RFC5: variants seen among roughly 807,000 people sequenced by gnomAD.
RFC5 encodes replication factor C subunit 5.
A neutral mutation model predicts 44.3 loss-of-function variants in RFC5; 26 were observed. The ratio of observed to expected loss-of-function variants is 0.59; its 90% confidence interval spans 0.43 to 0.81. The LOEUF (loss-of-function observed/expected upper bound fraction) is 0.81. Among genes scored for constraint, RFC5 ranks in the 40% least tolerant of loss-of-function variants. The pLI is 0.00. For synonymous variants in RFC5, 155 were observed against 155.2 expected, an observed-to-expected ratio of 1.00 and a Z score of 0.01; for missense variants, 328 against 418.6, an observed-to-expected ratio of 0.78 and a Z score of 1.89.
In RFC5 at chr12:118,016,735, C is replaced by G; in HGVS notation, c.-93C>G. The G allele has an allele frequency of 9.7e-7, 1 of 1,031,036 alleles. No homozygotes were observed. The highest frequency in any genetic ancestry group is 2.6e-5 in the East Asian group (1 of 37,880). 63.9% of individuals were successfully genotyped at this position (1,031,036 alleles called of 1,614,324 possible). ...GCTTTTGCGCGCGAACTGTAAGTGC[C>G]AGGGTCTCAGGGTCAGGTCGCGGCT... On this transcript the variant is annotated 5_prime_UTR_variant, in exon 1 of 11. Coordinates refer to ENST00000454402, the MANE Select transcript of RFC5 (RefSeq NM_007370.7).
At chr12:118,023,408 A>G in intron 5 of RFC5, among the ~76,000 whole-genome samples, 1 of 24,090 alleles carries the variant, frequency 4.2e-5, no homozygotes, top group African/African-American at 3.0e-4. Context: ...GGGGAGGAGG[A>G]GGAGGGGGGA....
At position 118,016,837 on chromosome 12, in the gene RFC5, T is replaced by G. The variant is rs772023840; in HGVS notation, c.10T>G (p.Ser4Ala). The change falls in exon 1 of 11, where the codon TCA (serine) becomes GCA (alanine). Residue 4 changes from serine (S) to alanine (A), a missense_variant. By Grantham distance (99) the Ser-to-Ala change is moderately conservative. Transcript: ENST00000454402. MET[S>A]ALKQQEQPAA... is the part of the protein sequence containing the mutation. ...CCTTCGTCTCCCCGCCATGGAGACCTCAGCACTCAAGCAGCAGGAGCAGCC... is the reference window on the plus strand; with the variant it reads ...CCTTCGTCTCCCCGCCATGGAGACCGCAGCACTCAAGCAGCAGGAGCAGCC... 9 of 1,613,248 alleles carry G rather than the reference T, an allele frequency of 5.6e-6. No individual in the cohort carries two copies. The highest frequency in any genetic ancestry group is 7.6e-6 in the Non-Finnish European group (9 of 1,179,706).
chr12:118,034,807 T>G (rs1385506239), downstream of RFC5: 2 of 616,304 alleles, frequency 3.2e-6, no homozygotes, highest in Non-Finnish European at 5.5e-6. Context: ...AGGTTAAATA[T>G]TCAGAGAAAA....
At chr12:118,035,133 AG>A, downstream of RFC5, 1 of 1,613,086 alleles carries the variant, frequency 6.2e-7, no homozygotes, top group African/African-American at 1.3e-5. Context: ...TAGCTGACCC[AG>A]GGCCAGACCA....
At chr12:118,032,889 T>G (rs2031396564), downstream of RFC5, 2 of 151,818 alleles carry the variant, frequency 1.3e-5, no homozygotes, top group South Asian at 2.1e-4. Flanking sequence ...TGGAAAAAAA[T>G]GAAACAGAGA....
rs2030331947 is a variant in RFC5 at position 118,019,430 on chromosome 12, A to G, written c.131-202A>G. 6.6e-6 allele frequency among the ~76,000 whole-genome samples: 1 copy of G among 152,160 alleles called. No individual in the cohort carries two copies. The highest frequency in any genetic ancestry group is 2.4e-5 in the African/African-American group (1 of 41,442). ...GCCTGTAACACAGTAGGCACTCAAT[A>G]AATACTTGTTGACTGGCTGCGCTAT... On this transcript the variant is annotated intron_variant, in intron 2 of 10. Transcript: ENST00000454402. This position sits in a 1 kb window ranked among gnomAD's most constrained non-coding sequence, Gnocchi z 4.2.
chr12:118,038,926 A>G, the RFC5 span, among the ~76,000 whole-genome samples: 1 of 152,066 alleles, frequency 6.6e-6, no homozygotes, highest in Non-Finnish European at 1.5e-5. Flanking sequence ...GGTGCTGATC[A>G]CTTTTTTTAT....
chr12:118,025,811 G>A lies in RFC5; in HGVS notation c.646G>A (p.Ala216Thr). 6.3e-7 allele frequency: 1 copy of A among 1,599,940 alleles called. No individual in the cohort carries two copies. Among genetic ancestry groups the A allele is most frequent in the Non-Finnish European group, 8.6e-7 (1 of 1,169,140 alleles). ...TCTTTCCAGTGGAGACATGCGTAGG[G>A]CTCTGAACATTTTGCAGGTATGGTC... Reference protein sequence around the residue: ...VTLSSGDMRRALNILQSTNMA... With the variant: ...VTLSSGDMRRTLNILQSTNMA... Residue 216 changes from alanine (A) to threonine (T), a missense_variant, in exon 7 of 11, where the codon GCT becomes ACT. Coordinates refer to ENST00000454402, the MANE Select transcript of RFC5 (RefSeq NM_007370.7).
At chr12:118,022,129 T>C (rs1473751152) in intron 4 of RFC5, among the ~76,000 whole-genome samples, 157 bp from the exon 5 acceptor site, 1 of 152,160 alleles carries the variant, frequency 6.6e-6, no homozygotes, top group Non-Finnish European at 1.5e-5. Context: ...CGGCATTTCC[T>C]CTCTGAGTGA....
At chr12:118,025,501 T>A in intron 6 of RFC5, 1 of 456,192 alleles carries the variant, frequency 2.2e-6, no homozygotes. Flanking sequence ...ACTGGCTCCA[T>A]GGGAGAATGC....
rs1050061835 is a variant in RFC5 at position 118,030,493 on chromosome 12, G to T, written c.926+668G>T. Among the ~76,000 whole-genome samples the T allele has an allele frequency of 2.7e-4, 37 of 134,670 alleles. 1 individual carries two copies. Among genetic ancestry groups the T allele is most frequent in the Non-Finnish European group, 6.3e-5 (4 of 63,308 alleles). 88.3% of individuals were successfully genotyped at this position (134,670 alleles called of 152,430 possible). A position where few individuals can be genotyped will look rare whatever the true frequency, so the allele number is the denominator to read the frequency against. On this transcript the variant is annotated intron_variant, in intron 10 of 10. Coordinates refer to ENST00000454402, the MANE Select transcript of RFC5 (RefSeq NM_007370.7). ...CACCAATGTATCAGCCAAACTTCCC[G>T]ATGAAATGGCTTAAGAGGAAGGAAA...
chr12:118,020,936 AT>A lies in RFC5; in HGVS notation c.299del (p.Ile100ThrfsTer7), dbSNP rs1445388362. ...LNASDDRGID[I>X]IRGPILSFAS... ...TGCTTCAGATGACCGAGGAATAGAC[AT>A]CATTCGAGGACCGATCCTGAGCTTT... On this transcript the variant is annotated frameshift_variant, in exon 4 of 11. Transcript: ENST00000454402. LOFTEE classifies it high-confidence loss of function. 2.5e-6 allele frequency: 4 copies of A among 1,612,734 alleles called. No individual in the cohort carries two copies. In the African/African-American group the frequency reaches 5.3e-5, roughly 22 times the overall value.
chr12:118,025,847 C>CA lies in RFC5; in HGVS notation c.663+19_663+20insA, dbSNP rs1566126440. ...TTTGCAGGTATGGTCTCAAGCAAATCCTTTTTTTTTTTTTTTTTTGAGACA... is the reference window on the plus strand; with the variant it reads ...TTTGCAGGTATGGTCTCAAGCAAATCACTTTTTTTTTTTTTTTTTTGAGACA... On this transcript the variant is annotated intron_variant, in intron 7 of 10. Transcript: ENST00000454402. 3.0e-6 allele frequency: 4 copies of CA among 1,338,548 alleles called. No individual in the cohort carries two copies. The highest frequency in any genetic ancestry group is 3.8e-5 in the Admixed American group (2 of 52,626). 82.9% of individuals were successfully genotyped at this position (1,338,548 alleles called of 1,614,324 possible).
intron 4 of RFC5, among the ~76,000 whole-genome samples, chr12:118,021,357 G>A (rs372711453): frequency 8.5e-4 from 129 of 152,020 alleles, no homozygotes; most frequent in African/African-American, 3.0e-3. Flanking sequence ...GACTACAGTC[G>A]TGAGCCATCA....
intron 10 of RFC5, among the ~76,000 whole-genome samples, 184 bp from the exon 11 acceptor site, chr12:118,030,998 T>C (rs1432022950): frequency 2.0e-5 from 3 of 152,142 alleles, no homozygotes; most frequent in Non-Finnish European, 4.4e-5. Flanking sequence ...TATAAATCAA[T>C]GTGTAGGGCA....
In RFC5 at chr12:118,032,067, G is replaced by T. The variant is rs1321065692; in HGVS notation, c.*789G>T. 1 of 152,186 alleles carries T rather than the reference G, an allele frequency of 6.6e-6. No individual in the cohort carries two copies. Among genetic ancestry groups the T allele is most frequent in the East Asian group, 1.9e-4 (1 of 5,196 alleles). The allele number at this position is 152,186 out of a possible 1,614,324, so 9.4% of individuals were successfully genotyped here. Reference sequence around the variant, plus strand: ...TTTACAGCAATCATGCTGCATTTGTGTTAGTGTTCTTTATAATAAAAAACA... The same window carrying T: ...TTTACAGCAATCATGCTGCATTTGTTTTAGTGTTCTTTATAATAAAAAACA... On this transcript the variant is annotated 3_prime_UTR_variant, in exon 11 of 11. Coordinates refer to ENST00000454402, the MANE Select transcript of RFC5 (RefSeq NM_007370.7).
chr12:118,026,227 G>A (rs948021358), intron 7 of RFC5, among the ~76,000 whole-genome samples: 1 of 152,070 alleles, frequency 6.6e-6, no homozygotes, highest in African/African-American at 2.4e-5. Context: ...TGTAAATTTT[G>A]AAATCTACAG....
At chr12:118,029,937 G>T (rs5745881) in intron 10 of RFC5, 112 bp downstream of exon 10, 15 of 797,736 alleles carry the variant, frequency 1.9e-5, no homozygotes, top group Non-Finnish European at 2.9e-5. Context: ...GTTCACATAC[G>T]GTACAATCTA....
chr12:118,029,603 T>G (rs1460804272), intron 9 of RFC5, among the ~76,000 whole-genome samples, 168 bp from the exon 10 acceptor site: 1 of 152,176 alleles, frequency 6.6e-6, no homozygotes, highest in African/African-American at 2.4e-5. Flanking sequence ...GTAAAAAGTA[T>G]GAAACCAGCA....
Sources: allele counts gnomAD v4.1 joint callset (sites outside exome capture counted in the v4.1 genomes callset), GRCh38; gene constraint gnomAD v4.1.1; non-coding constraint Gnocchi (gnomAD v3.1); transcripts MANE v1.5; gene names NCBI Gene and HGNC (gene_info 2026-07-23, HGNC 2026-07-21).